Variants in ACER3 observed in about 807,000 individuals in gnomAD.
ACER3 encodes the protein alkaline ceramidase 3.
A neutral mutation model predicts 48.9 loss-of-function variants in ACER3; 16 were observed. That is an observed-to-expected ratio of 0.33 (90% CI 0.22 to 0.50). The LOEUF is 0.50. Ranked by LOEUF, ACER3 falls within the 20% of genes least tolerant of loss-of-function variation. ACER3 has a pLI of 0.98. For synonymous variants in ACER3, 109 were observed against 107.8 expected (o/e 1.01, Z -0.07); for missense variants, 227 against 326.0 (o/e 0.70, Z 2.34).
rs185860878 is a variant in ACER3, at chr11:77,025,536, G to A, written c.*5209G>A. On this transcript the variant is annotated 3_prime_UTR_variant, in exon 11 of 11. Coordinates refer to ENST00000532485, the MANE Select transcript of ACER3 (RefSeq NM_018367.7). ...CGATTCTCCTGCCTCAGCCTCCCGA[G>A]TAGCTGGGACTACAGGCACATGCCA... is the stretch of plus-strand genomic sequence containing the variant. The A allele has an allele frequency of 0.012, 1,753 of 151,840 alleles. 17 individuals carry two copies. The highest frequency in any genetic ancestry group is 0.016 in the Non-Finnish European group (1,061 of 68,012). The allele number at this position is 151,840 out of a possible 1,614,324, so 9.4% of individuals were successfully genotyped here.
intron 2 of ACER3, among the ~76,000 whole-genome samples, chr11:76,937,622 T>C (rs1423671797): frequency 6.6e-6 from 1 of 152,200 alleles, no homozygotes; most frequent in South Asian, 2.1e-4. Flanking sequence ...ACTTTTTTGC[T>C]AGTAAAAAGA....
intron 2 of ACER3, among the ~76,000 whole-genome samples, chr11:76,939,659 C>A (rs1422567918): frequency 6.6e-6 from 1 of 151,768 alleles, no homozygotes; most frequent in African/African-American, 2.4e-5. Flanking sequence ...TGTGATATAC[C>A]AAAAAGGAAA....
chr11:76,901,352 A>G (rs1946078332), intron 1 of ACER3, among the ~76,000 whole-genome samples: 1 of 152,122 alleles, frequency 6.6e-6, no homozygotes. Context: ...AATGGAACCA[A>G]TCTAGAAAAA....
intron 7 of ACER3, among the ~76,000 whole-genome samples, chr11:77,011,680 C>T (rs1253205007): frequency 1.3e-5 from 2 of 151,822 alleles, no homozygotes; most frequent in East Asian, 3.9e-4. Flanking sequence ...TCACCTTTTA[C>T]GTTCACTTAT....
At chr11:76,997,984 C>T (rs947905693) in intron 6 of ACER3, among the ~76,000 whole-genome samples, 11 of 152,162 alleles carry the variant, frequency 7.2e-5, no homozygotes, top group Non-Finnish European at 1.6e-4. Flanking sequence ...GTTTATAATA[C>T]AAGTCAGGAG....
intron 2 of ACER3, among the ~76,000 whole-genome samples, chr11:76,945,854 G>C (rs1947458826): frequency 6.6e-6 from 1 of 152,190 alleles, no homozygotes; most frequent in Non-Finnish European, 1.5e-5. Context: ...AGCTGTGATG[G>C]GTTGGGCAGG....
intron 1 of ACER3, among the ~76,000 whole-genome samples, chr11:76,883,540 A>G (rs1945589504): frequency 7.0e-6 from 1 of 143,442 alleles, no homozygotes; most frequent in Non-Finnish European, 1.5e-5. Context: ...CTCTGGGTTC[A>G]AGTAATTCTC....
rs531064335 is a variant in ACER3, at chr11:77,020,412, C to G, written c.*85C>G. ...GGAAATCCTTAAAGATCTACAAGTTCAAATATGTCATGACCATCACAGCAG... is the reference window on the plus strand; with the variant it reads ...GGAAATCCTTAAAGATCTACAAGTTGAAATATGTCATGACCATCACAGCAG... On this transcript the variant is annotated 3_prime_UTR_variant, in exon 11 of 11. Transcript: ENST00000532485. The G allele has an allele frequency of 6.9e-7, 1 of 1,449,842 alleles. No individual in the cohort carries two copies. The highest frequency in any genetic ancestry group is 1.4e-5 in the African/African-American group (1 of 70,622). 89.8% of individuals were successfully genotyped at this position (1,449,842 alleles called of 1,614,324 possible). A position where few individuals can be genotyped will look rare whatever the true frequency, so the allele number is the denominator to read the frequency against.
At chr11:76,961,058 C>G (rs991503623) in intron 3 of ACER3, among the ~76,000 whole-genome samples, 2 of 151,950 alleles carry the variant, frequency 1.3e-5, no homozygotes, top group African/African-American at 4.8e-5. Flanking sequence ...CAGCCCAGCA[C>G]CAAGTGTTGG....
chr11:76,865,993 T>G (rs1254516079), intron 1 of ACER3, among the ~76,000 whole-genome samples: 2 of 125,536 alleles, frequency 1.6e-5, no homozygotes, highest in African/African-American at 3.7e-5. Context: ...TGTTTTTTGT[T>G]TTTTTTTTTT....
rs1949311824 is a variant in ACER3, at chr11:77,013,700, C to T, written c.498-1316C>T. On this transcript the variant is annotated intron_variant, in intron 7 of 10. Coordinates refer to ENST00000532485, the MANE Select transcript of ACER3 (RefSeq NM_018367.7). Reference sequence around the variant, plus strand: ...CTTGAAAAATTAAATATTCACCTGCCATACAATACAGCCATTCTTCTCCTA... The same window carrying T: ...CTTGAAAAATTAAATATTCACCTGCTATACAATACAGCCATTCTTCTCCTA... Among the ~76,000 whole-genome samples the T allele has an allele frequency of 3.9e-5, 6 of 152,178 alleles. No homozygotes were observed. In the South Asian group the frequency reaches 1.2e-3, roughly 32 times the overall value.
Position 76,952,815 on chromosome 11 carries a change from G to A in ACER3, c.215-6164G>A, listed in dbSNP as rs557956240. ...CAAGTAGCTGCAATTACAGGTGCCTGTCACCACACCTGGCTAATTTTTGTA... is the reference window on the plus strand; with the variant it reads ...CAAGTAGCTGCAATTACAGGTGCCTATCACCACACCTGGCTAATTTTTGTA... On this transcript the variant is annotated intron_variant, in intron 2 of 10. Transcript: ENST00000532485. 7.3e-5 allele frequency among the ~76,000 whole-genome samples: 11 copies of A among 151,418 alleles called. No homozygotes were observed. The South Asian group carries it at 2.3e-3, about 32-fold the overall frequency.
At chr11:77,005,172 G>C (rs1015495495) in intron 7 of ACER3, among the ~76,000 whole-genome samples, 1 of 151,656 alleles carries the variant, frequency 6.6e-6, no homozygotes, top group Non-Finnish European at 1.5e-5. Context: ...TGAGTAGCTG[G>C]GACTACAGTG....
chr11:76,885,941 A>T (rs546691869), intron 1 of ACER3, among the ~76,000 whole-genome samples: 2 of 152,330 alleles, frequency 1.3e-5, no homozygotes, highest in Admixed American at 6.5e-5. Context: ...CTTGTTCATA[A>T]TGGCAGTGAG....
In ACER3 at chr11:76,933,718, A is replaced by G. The variant is rs950712261; in HGVS notation, c.214+7051A>G. 7.9e-4 allele frequency among the ~76,000 whole-genome samples: 121 copies of G among 152,290 alleles called. 1 individual carries two copies. Among genetic ancestry groups the G allele is most frequent in the African/African-American group, 2.6e-3 (108 of 41,562 alleles). On this transcript the variant is annotated intron_variant, in intron 2 of 10. Coordinates refer to ENST00000532485, the MANE Select transcript of ACER3 (RefSeq NM_018367.7). ...GACACAGCAACCATCTGATTTCTCA[A>G]TCTTTTCCCCACCTTTCCCCCTTTT...
At chr11:76,922,545 CT>C (rs1946714849) in intron 1 of ACER3, among the ~76,000 whole-genome samples, 1 of 152,100 alleles carries the variant, frequency 6.6e-6, no homozygotes, top group South Asian at 2.1e-4. Context: ...AGGCAAATTA[CT>C]TTATTCTTTG....
At chr11:77,019,894 A>T in intron 10 of ACER3, 118 bp downstream of exon 10, 6 of 1,023,474 alleles carry the variant, frequency 5.9e-6, no homozygotes, top group Non-Finnish European at 7.5e-6. Flanking sequence ...CAGGCTTTGG[A>T]ACCAAAGGCT....
At chr11:76,923,754 C>G (rs1299669976) in intron 1 of ACER3, among the ~76,000 whole-genome samples, 1 of 152,176 alleles carries the variant, frequency 6.6e-6, no homozygotes, top group Non-Finnish European at 1.5e-5. Flanking sequence ...TTCTTGATTC[C>G]TTTATCCAAT....
At chr11:76,921,729 A>T (rs1946690520) in intron 1 of ACER3, among the ~76,000 whole-genome samples, 1 of 152,030 alleles carries the variant, frequency 6.6e-6, no homozygotes, top group Non-Finnish European at 1.5e-5. Flanking sequence ...TATTAGTATT[A>T]TGTCTTATAT....
Sources: gnomAD v4.1 joint callset for allele counts (sites outside exome capture counted in the v4.1 genomes callset) on GRCh38, gnomAD v4.1.1 for gene constraint, MANE v1.5 for transcripts, NCBI Gene and HGNC (gene_info 2026-07-23, HGNC 2026-07-21) for gene names.